Variants in PANK4 observed in about 807,000 individuals in gnomAD.
PANK4 encodes pantothenate kinase 4 (inactive).
Under a neutral mutation model 87.9 loss-of-function variants are expected in PANK4, and 40 were observed. That is an observed-to-expected ratio of 0.46 (90% CI 0.35 to 0.59). The LOEUF (loss-of-function observed/expected upper bound fraction) is 0.59, where lower values mean the gene tolerates loss of function less well. PANK4 is among the 20% of genes least tolerant of loss of function. PANK4 has a pLI of 0.00. For synonymous variants in PANK4, 524 were observed against 467.4 expected (o/e 1.12, Z -1.56); for missense variants, 926 against 1,072.3 (o/e 0.86, Z 1.90).
chr1:2,526,563 T>C lies in PANK4; in HGVS notation c.25A>G (p.Ser9Gly). Residue 9 changes from serine to glycine, a missense_variant, in exon 1 of 19, where the codon AGC becomes GGC. Transcript: ENST00000378466. ...TCCAGACTGTCCCCGCTGCTCCCGC[T>C]GCCGCTCGCTCCACACTCCGCCATT... Reference protein sequence around the residue: MAECGASGSGSSGDSLDKS... With the variant: MAECGASGGGSSGDSLDKS... 1 of 1,602,698 alleles carries C rather than the reference T, an allele frequency of 6.2e-7. No homozygotes were observed. The highest frequency in any genetic ancestry group is 8.5e-7 in the Non-Finnish European group (1 of 1,175,290).
chr1:2,521,676 G>C (rs761081062), intron 2 of PANK4, 42 bp downstream of exon 2: 4 of 1,476,348 alleles, frequency 2.7e-6, no homozygotes, highest in Admixed American at 3.3e-5. Context: ...AGACGACAGA[G>C]AAGCGGCTGC....
chr1:2,515,758 T>C lies in PANK4; in HGVS notation c.1219-41A>G. The C allele has an allele frequency of 6.3e-7, 1 of 1,589,882 alleles. No individual in the cohort carries two copies. The highest frequency in any genetic ancestry group is 1.1e-5 in the South Asian group (1 of 89,442). On this transcript the variant is annotated intron_variant, in intron 9 of 18. Transcript: ENST00000378466. The surrounding 1 kb of genome is among the most constrained non-coding windows in gnomAD (Gnocchi z 5.0). The stretch of plus-strand genomic sequence containing the variant: ...TGGCAGGGTGGAAACGTCACCATGG[T>C]TCAGAACGACCCAAGCCACACTCAG...
In PANK4 at chr1:2,508,891, G is replaced by A. The variant is rs757608469; in HGVS notation, c.2278C>T (p.Arg760Trp). 14 of 1,608,050 alleles carry A rather than the reference G, an allele frequency of 8.7e-6. No homozygotes were observed. The highest frequency in any genetic ancestry group is 1.7e-5 in the Admixed American group (1 of 59,616). ...NAWLAERLGG[R>W]LFSVIFKYEV... ...TACTTGAAGATGACGCTGAAGAGCC[G>A]GCCGCCCAGCCGCTCGGCCAGCCAC... The change falls in exon 19 of 19, where the codon CGG becomes TGG. Residue 760 changes from arginine (R) to tryptophan (W), a missense_variant. Transcript: ENST00000378466. The surrounding 1 kb of genome is among the most constrained non-coding windows in gnomAD (Gnocchi z 5.1).
Position 2,515,790 on chromosome 1 carries a change from C to T in PANK4, c.1219-73G>A. ...CGACCCAAGCCACACTCAGAAGCTT[C>T]CACTCTCTCTCTAAGAAGGGAGATG... On this transcript the variant is annotated intron_variant, in intron 9 of 18. Transcript: ENST00000378466. The surrounding 1 kb of genome is among the most constrained non-coding windows in gnomAD (Gnocchi z 5.0). The T allele has an allele frequency of 1.4e-6, 2 of 1,397,336 alleles. No individual in the cohort carries two copies. Among genetic ancestry groups the T allele is most frequent in the Non-Finnish European group, 2.0e-6 (2 of 1,005,150 alleles). 86.6% of individuals were successfully genotyped at this position (1,397,336 alleles called of 1,614,324 possible). A position where few individuals can be genotyped will look rare whatever the true frequency, so the allele number is the denominator to read the frequency against.
chr1:2,513,997 C>A lies in PANK4; in HGVS notation c.1575+5G>T. On this transcript the variant is annotated splice_donor_5th_base_variant and intron_variant, in intron 12 of 18. Coordinates refer to ENST00000378466, the MANE Select transcript of PANK4 (RefSeq NM_018216.4). ...GAGCGGAAGGCCAGGGCACACTGCA[C>A]TTACTTTGGAGTAGGGATCCGGGAA... is the stretch of plus-strand genomic sequence containing the variant. 1 of 1,606,330 alleles carries A rather than the reference C, an allele frequency of 6.2e-7. No individual in the cohort carries two copies.
At position 2,521,799 on chromosome 1, in the gene PANK4, G is replaced by A. The variant is rs146980059; in HGVS notation, c.126C>T (p.Gly42=). The A allele has an allele frequency of 8.7e-6, 14 of 1,613,214 alleles. No individual in the cohort carries two copies. Among genetic ancestry groups the A allele is most frequent in the East Asian group, 6.7e-5 (3 of 44,890 alleles). ...AGTAGGCCAGCTTGGTTAACGACCCGCCTGCAGGGGAGACACAAACCGGGC... is the reference window on the plus strand; with the variant it reads ...AGTAGGCCAGCTTGGTTAACGACCCACCTGCAGGGGAGACACAAACCGGGC... ...ENAKRFAIDI[G]GSLTKLAYYS... Residue 42 remains glycine (G), a splice_region_variant and synonymous_variant, in exon 2 of 19, where the codon GGC becomes GGT. Transcript: ENST00000378466.
intron 2 of PANK4, 27 bp downstream of exon 2, chr1:2,521,691 C>T (rs919425706): frequency 7.0e-6 from 11 of 1,580,196 alleles, no homozygotes; most frequent in Non-Finnish European, 7.0e-6. Context: ...GGCTGCCCTG[C>T]CCCGGGTGGC....
At chr1:2,512,067 C>G (rs983040702) in intron 13 of PANK4, among the ~76,000 whole-genome samples, 3 of 152,212 alleles carry the variant, frequency 2.0e-5, no homozygotes, top group Non-Finnish European at 4.4e-5. Flanking sequence ...GGACTCGGAG[C>G]CACGGGGCCA....
Position 2,510,614 on chromosome 1 carries a change from C to CG in PANK4, c.1938+63dup. 1 of 984,014 alleles carries CG rather than the reference C, an allele frequency of 1.0e-6. No individual in the cohort carries two copies. The highest frequency in any genetic ancestry group is 1.9e-5 in the Admixed American group (1 of 52,078). The allele number at this position is 984,014 out of a possible 1,614,324, so 61.0% of individuals were successfully genotyped here. ...GACCACCGCCAGAGGCCCACAGCGG[C>CG]GCCAACCCCACCGAGAGCAGAGAAG... On this transcript the variant is annotated intron_variant, in intron 16 of 18. Coordinates refer to ENST00000378466, the MANE Select transcript of PANK4 (RefSeq NM_018216.4). The surrounding 1 kb of genome is among the most constrained non-coding windows in gnomAD (Gnocchi z 4.9).
chr1:2,514,420 G>A lies in PANK4; in HGVS notation c.1421C>T (p.Ala474Val), dbSNP rs756691345. 1.2e-6 allele frequency: 2 copies of A among 1,612,054 alleles called. No individual in the cohort carries two copies. The highest frequency in any genetic ancestry group is 1.7e-6 in the Non-Finnish European group (2 of 1,179,876). ...VASQPDSVDA[A>V]ERAEKFRQKY... ...CTGCCGGAACTTCTCCGCCCTCTCG[G>A]CTGCATCCACAGAGTCTGGCTGGCT... Residue 474 changes from alanine to valine, a missense_variant, in exon 11 of 19, where the codon GCC (alanine) becomes GTC (valine). Transcript: ENST00000378466.
rs764900393 is a variant in PANK4 at position 2,519,225 on chromosome 1, C to T, written c.953G>A (p.Arg318His). The change falls in exon 7 of 19, where the codon CGC becomes CAC. Residue 318 changes from arginine (R) to histidine (H), a missense_variant. Coordinates refer to ENST00000378466, the MANE Select transcript of PANK4 (RefSeq NM_018216.4). This position sits in a 1 kb window ranked among gnomAD's most constrained non-coding sequence, Gnocchi z 8.3. ...CLHARLHSLD[R>H]VYFGGFFIRG... ...GATAAAGAAGCCTCCAAAGTACACG[C>T]GGTCCAGGCTGTGCAGCCGTGCGTG... The T allele has an allele frequency of 3.7e-5, 60 of 1,612,778 alleles. No individual in the cohort carries two copies. Among genetic ancestry groups the T allele is most frequent in the Non-Finnish European group, 4.5e-5 (53 of 1,179,894 alleles).
At chr1:2,512,014 C>T (rs1426366483) in intron 13 of PANK4, among the ~76,000 whole-genome samples, 2 of 152,248 alleles carry the variant, frequency 1.3e-5, no homozygotes, top group Non-Finnish European at 2.9e-5. Flanking sequence ...CTCAGGGGGC[C>T]ACCAAGCAAA....
In PANK4 at chr1:2,520,695, C is replaced by A; in HGVS notation, c.606+28G>T. 1 of 1,597,182 alleles carries A rather than the reference C, an allele frequency of 6.3e-7. No homozygotes were observed. The highest frequency in any genetic ancestry group is 8.6e-7 in the Non-Finnish European group (1 of 1,167,214). On this transcript the variant is annotated intron_variant, in intron 4 of 18. Coordinates refer to ENST00000378466, the MANE Select transcript of PANK4 (RefSeq NM_018216.4). The surrounding 1 kb of genome is among the most constrained non-coding windows in gnomAD (Gnocchi z 6.2). ...TAACAAACTATGGCTAAACCATCCA[C>A]TCATTCATTCATGAAGCCGGGTCTT...
chr1:2,514,967 G>A (rs1385573534), intron 10 of PANK4, among the ~76,000 whole-genome samples: 1 of 152,082 alleles, frequency 6.6e-6, no homozygotes, highest in Non-Finnish European at 1.5e-5. Flanking sequence ...GCTCACTCCG[G>A]GTCCTGGGCA....
chr1:2,518,143 C>A, intron 9 of PANK4, 21 bp downstream of exon 9: 1 of 1,512,932 alleles, frequency 6.6e-7, no homozygotes, highest in Non-Finnish European at 9.0e-7. Context: ...GGGCCCGGGG[C>A]GGCCAGAGCC....
In PANK4 at chr1:2,508,988, G is replaced by T; in HGVS notation, c.2181C>A (p.Gly727=). ...GADLVVIEGM[G]RAVHTNYHAA... is the part of the protein sequence containing the mutation. ...CGTGGTAGTTTGTGTGGACAGCACG[G>T]CCCATGCCCTCGATGACCACCAGAT... Residue 727 remains glycine (G), a synonymous_variant, in exon 19 of 19, where the codon GGC becomes GGA. Coordinates refer to ENST00000378466, the MANE Select transcript of PANK4 (RefSeq NM_018216.4). This position sits in a 1 kb window ranked among gnomAD's most constrained non-coding sequence, Gnocchi z 5.1. 6.2e-7 allele frequency: 1 copy of T among 1,608,598 alleles called. No individual in the cohort carries two copies.
Position 2,509,127 on chromosome 1 carries a change from G to A in PANK4, c.2109-67C>T, listed in dbSNP as rs374651028. On this transcript the variant is annotated intron_variant, in intron 18 of 18. Coordinates refer to ENST00000378466, the MANE Select transcript of PANK4 (RefSeq NM_018216.4). This position sits in a 1 kb window ranked among gnomAD's most constrained non-coding sequence, Gnocchi z 4.9. Reference sequence around the variant, plus strand: ...CCAGACCCCACTTCCCATACAGTGCGGCGACCAACGTGAAGGCTGAAACCC... The same window carrying A: ...CCAGACCCCACTTCCCATACAGTGCAGCGACCAACGTGAAGGCTGAAACCC... 12 of 1,250,162 alleles carry A rather than the reference G, an allele frequency of 9.6e-6. No individual in the cohort carries two copies. The highest frequency in any genetic ancestry group is 4.4e-5 in the African/African-American group (3 of 67,552). The allele number at this position is 1,250,162 out of a possible 1,614,324, so 77.4% of individuals were successfully genotyped here.
In PANK4 at chr1:2,518,172, T is replaced by G; in HGVS notation, c.1210A>C (p.Ser404Arg). ...PELGPAQRARSGTFDLLEMDR... is the reference protein window; with the variant it reads ...PELGPAQRARRGTFDLLEMDR... ...CAGAGCCCACTACTCACAGTGCCAC[T>G]CCGCGCCCGCTGCGCCGGGCCGAGC... The change falls in exon 9 of 19, where the codon AGT becomes CGT. Residue 404 changes from serine (S) to arginine (R), a missense_variant. By Grantham distance (110) the Ser-to-Arg change is moderately radical. Coordinates refer to ENST00000378466, the MANE Select transcript of PANK4 (RefSeq NM_018216.4). 1 of 1,603,774 alleles carries G rather than the reference T, an allele frequency of 6.2e-7. No homozygotes were observed.
chr1:2,513,271 T>A (rs775085650), intron 12 of PANK4, among the ~76,000 whole-genome samples: 2 of 152,138 alleles, frequency 1.3e-5, no homozygotes, highest in African/African-American at 2.4e-5. Flanking sequence ...GACTGAGCAG[T>A]GGGTGAAGGG....
Sources: gnomAD v4.1 joint callset for allele counts (sites outside exome capture counted in the v4.1 genomes callset) on GRCh38, gnomAD v4.1.1 for gene constraint, Gnocchi (gnomAD v3.1) non-coding constraint, MANE v1.5 for transcripts, NCBI Gene and HGNC (gene_info 2026-07-23, HGNC 2026-07-21) for gene names.